Variants in ELMO2 observed in about 807,000 individuals in gnomAD.
ELMO2 encodes the protein engulfment and cell motility protein 2.
A neutral mutation model predicts 96.2 loss-of-function variants in ELMO2; 37 were observed. The observed-to-expected ratio is 0.38, with a 90% CI of 0.30 to 0.51. The LOEUF (loss-of-function observed/expected upper bound fraction) is 0.51. ELMO2 is among the 20% of genes least tolerant of loss of function. The pLI, the probability that ELMO2 is intolerant of heterozygous loss-of-function variation, is 0.88. For synonymous variants in ELMO2, 315 were observed against 329.4 expected (o/e 0.96, Z 0.47); for missense variants, 561 against 912.6 (o/e 0.61, Z 4.96).
chr20:46,392,819 C>CA (rs1751529803), intron 6 of ELMO2, among the ~76,000 whole-genome samples: 1 of 152,238 alleles, frequency 6.6e-6, no homozygotes, highest in Non-Finnish European at 1.5e-5. Flanking sequence ...TGGAAATCTC[C>CA]AGGCTGAGTT....
intron 15 of ELMO2, among the ~76,000 whole-genome samples, chr20:46,374,098 G>GTTTT (rs60843274): frequency 4.8e-5 from 3 of 63,048 alleles, no homozygotes; most frequent in Admixed American, 2.1e-4. Flanking sequence ...CTAATTTTTG[G>GTTTT]TTTTTTTTTT....
chr20:46,375,099 A>T lies in ELMO2; in HGVS notation c.1065+137T>A. 2 of 1,220,792 alleles carry T rather than the reference A, an allele frequency of 1.6e-6. No individual in the cohort carries two copies. Among genetic ancestry groups the T allele is most frequent in the Non-Finnish European group, 2.3e-6 (2 of 883,190 alleles). 75.6% of individuals were successfully genotyped at this position (1,220,792 alleles called of 1,614,324 possible). On this transcript the variant is annotated intron_variant, in intron 13 of 21. Transcript: ENST00000290246. This position sits in a 1 kb window ranked among gnomAD's most constrained non-coding sequence, Gnocchi z 4.6. ...CCATCAACAAAGCAAAGCAAGCATT[A>T]AAGCTCCACCAGCTTCCTAACTGTC...
chr20:46,394,228 G>C (rs1460149625), intron 3 of ELMO2, 139 bp from the exon 4 acceptor site: 2 of 1,103,360 alleles, frequency 1.8e-6, no homozygotes, highest in East Asian at 5.0e-5. Flanking sequence ...TGAAGAGGAA[G>C]CCTCTCCCAA....
Position 46,366,811 on chromosome 20 carries a change from A to G in ELMO2, c.*549T>C, listed in dbSNP as rs1178208650. The G allele has an allele frequency of 2.0e-5, 3 of 152,736 alleles. No individual in the cohort carries two copies. The highest frequency in any genetic ancestry group is 2.9e-5 in the Non-Finnish European group (2 of 68,124). The allele number at this position is 152,736 out of a possible 1,614,324, so 9.5% of individuals were successfully genotyped here. The stretch of plus-strand genomic sequence containing the variant: ...CTAAAGACCAGAGATGTTAGAGCCA[A>G]CCTCAGAAGCAGCAACGTCTTGGCA... On this transcript the variant is annotated 3_prime_UTR_variant, in exon 22 of 22. Coordinates refer to ENST00000290246, the MANE Select transcript of ELMO2 (RefSeq NM_133171.5).
At chr20:46,389,270 A>G (rs2145828092) in intron 6 of ELMO2, 50 bp from the exon 7 acceptor site, 1 of 1,573,450 alleles carries the variant, frequency 6.4e-7, no homozygotes, top group East Asian at 2.2e-5. Context: ...GGAGCAGGTT[A>G]CTACTCTGTG....
intron 6 of ELMO2, among the ~76,000 whole-genome samples, chr20:46,391,915 G>C (rs568413602): frequency 6.6e-6 from 1 of 152,182 alleles, no homozygotes; most frequent in South Asian, 2.1e-4. Flanking sequence ...TTGACTCCAC[G>C]TCCCCTTCGC....
At chr20:46,391,518 A>G (rs8123055) in intron 6 of ELMO2, among the ~76,000 whole-genome samples, 20,835 of 152,168 alleles carry the variant, frequency 0.14, 2,238 homozygotes, top group African/African-American at 0.3. Context: ...CAAGAAAAGA[A>G]GTGCCATCAT....
rs573287636 is a variant in ELMO2, at chr20:46,368,161, GTTC to G, written c.1963-604_1963-602del. 5.9e-5 allele frequency among the ~76,000 whole-genome samples: 9 copies of G among 152,202 alleles called. No homozygotes were observed. In the South Asian group the frequency reaches 1.9e-3, roughly 32 times the overall value. On this transcript the variant is annotated intron_variant, in intron 21 of 21. Transcript: ENST00000290246. ...TGCTCACCTGGTTCCCCACTTGCTTGTTCTTCATTTCCTCTCAACCAAATTCCA... is the reference window on the plus strand; with the variant it reads ...TGCTCACCTGGTTCCCCACTTGCTTGTTCATTTCCTCTCAACCAAATTCCA...
chr20:46,389,501 C>A (rs1013086792), intron 6 of ELMO2, among the ~76,000 whole-genome samples: 1 of 152,162 alleles, frequency 6.6e-6, no homozygotes, highest in South Asian at 2.1e-4. Flanking sequence ...GGGAGGCCCA[C>A]TAACGATGGT....
chr20:46,393,536 G>A lies in ELMO2; in HGVS notation c.185C>T (p.Thr62Ile), dbSNP rs1260335731. ...RYADGPQLYI[T>I]EQTRSDIKNG... is the part of the protein sequence containing the mutation. ...GCCTCTCCCTGTACTAACCTGTTCG[G>A]TGATGTACAGCTGAGGACCATCTGC... The change falls in exon 5 of 22, where the codon ACC (threonine) becomes ATC (isoleucine). Residue 62 changes from threonine (T) to isoleucine (I), a missense_variant. Coordinates refer to ENST00000290246, the MANE Select transcript of ELMO2 (RefSeq NM_133171.5). The A allele has an allele frequency of 1.2e-6, 2 of 1,614,166 alleles. No homozygotes were observed. The highest frequency in any genetic ancestry group is 2.2e-5 in the East Asian group (1 of 44,882).
chr20:46,388,394 G>C (rs901938702), intron 7 of ELMO2, among the ~76,000 whole-genome samples: 3 of 152,158 alleles, frequency 2.0e-5, no homozygotes, highest in Non-Finnish European at 4.4e-5. Flanking sequence ...CTCCCTCTTT[G>C]GCAGGTTAGG....
Position 46,393,512 on chromosome 20 carries a change from C to T in ELMO2, c.192+17G>A, listed in dbSNP as rs1384749437. 6.2e-7 allele frequency: 1 copy of T among 1,612,660 alleles called. No homozygotes were observed. The highest frequency in any genetic ancestry group is 8.5e-7 in the Non-Finnish European group (1 of 1,179,530). On this transcript the variant is annotated intron_variant, in intron 5 of 21. Transcript: ENST00000290246. ...CCAAGCAAGGCCCATATTGATTTTG[C>T]CTCTCCCTGTACTAACCTGTTCGGT... is the stretch of plus-strand genomic sequence containing the variant.
chr20:46,374,637 G>A lies in ELMO2; in HGVS notation c.1069C>T (p.His357Tyr). 1 of 1,614,044 alleles carries A rather than the reference G, an allele frequency of 6.2e-7. No homozygotes were observed. Among genetic ancestry groups the A allele is most frequent in the Non-Finnish European group, 8.5e-7 (1 of 1,179,980 alleles). Residue 357 changes from histidine (H) to tyrosine (Y), a missense_variant, in exon 14 of 22, where the codon CAC becomes TAC. His to Tyr is a moderately conservative substitution (Grantham distance 83, BLOSUM62 2). Coordinates refer to ENST00000290246, the MANE Select transcript of ELMO2 (RefSeq NM_133171.5). ...GTAAAGTCCATGGCTGGATTGATGTGGTTCTAGAGAAATAAAGACACCCAA... is the reference window on the plus strand; with the variant it reads ...GTAAAGTCCATGGCTGGATTGATGTAGTTCTAGAGAAATAAAGACACCCAA... ...KDYKMLGFTN[H>Y]INPAMDFTQT...
At chr20:46,374,468 A>AGGGAGATGAAGGAGGAAGGC (rs1381716206) in intron 14 of ELMO2, 28 bp from the exon 15 acceptor site, 1 of 1,612,320 alleles carries the variant, frequency 6.2e-7, no homozygotes. Flanking sequence ...AGGGAGGATT[A>AGGGAGATGAAGGAGGAAGGC]GGGAGATGAA....
At chr20:46,395,336 T>C (rs2060224665) in intron 2 of ELMO2, among the ~76,000 whole-genome samples, 1 of 152,196 alleles carries the variant, frequency 6.6e-6, no homozygotes, top group South Asian at 2.1e-4. Context: ...GATAGCTTAC[T>C]GGTATTCCAA....
rs2145778921 is a variant in ELMO2, at chr20:46,375,072, C to T, written c.1065+164G>A. Among the ~76,000 whole-genome samples the T allele has an allele frequency of 6.6e-6, 1 of 152,252 alleles. No individual in the cohort carries two copies. The highest frequency in any genetic ancestry group is 2.1e-4 in the South Asian group (1 of 4,820). ...AACTTTGCACATAAACTCACAGACT[C>T]ACCATCAACAAAGCAAAGCAAGCAT... On this transcript the variant is annotated intron_variant, in intron 13 of 21. Transcript: ENST00000290246. This position sits in a 1 kb window ranked among gnomAD's most constrained non-coding sequence, Gnocchi z 4.6.
At chr20:46,392,588 G>C (rs1294358786) in intron 6 of ELMO2, among the ~76,000 whole-genome samples, 1 of 152,250 alleles carries the variant, frequency 6.6e-6, no homozygotes, top group East Asian at 1.9e-4. Flanking sequence ...TGAAACCTAC[G>C]AGTAGGCCAT....
Position 46,371,453 on chromosome 20 carries a change from A to T in ELMO2, c.1700T>A (p.Phe567Tyr), listed in dbSNP as rs2059704422. 1 of 1,614,130 alleles carries T rather than the reference A, an allele frequency of 6.2e-7. No homozygotes were observed. Residue 567 changes from phenylalanine (F) to tyrosine (Y), a missense_variant, in exon 19 of 22, where the codon TTC becomes TAC. Transcript: ENST00000290246. This position sits in a 1 kb window ranked among gnomAD's most constrained non-coding sequence, Gnocchi z 5.9. Reference protein sequence around the residue: ...KIGNRRRQERFWYCRLALNHK... With the variant: ...KIGNRRRQERYWYCRLALNHK... ...GTTCAGTGCCAACCGGCAGTACCAG[A>T]ACCGTTCTGGAACACAAGGGAAGCC...
intron 2 of ELMO2, 85 bp from the exon 3 acceptor site, chr20:46,394,617 G>A (rs1174572371): frequency 9.1e-6 from 9 of 989,066 alleles, no homozygotes; most frequent in African/African-American, 1.6e-5. Context: ...TTTGAAGACA[G>A]ACACTGCATA....
Sources: allele counts gnomAD v4.1 joint callset (sites outside exome capture counted in the v4.1 genomes callset), GRCh38; gene constraint gnomAD v4.1.1; non-coding constraint Gnocchi (gnomAD v3.1); transcripts MANE v1.5; gene names NCBI Gene and HGNC (gene_info 2026-07-23, HGNC 2026-07-21).